SYT14: variants seen among roughly 807,000 people sequenced by gnomAD.
SYT14 encodes the protein synaptotagmin 14, also known as synaptotagmin-14.
A neutral mutation model predicts 74.2 loss-of-function variants in SYT14; 32 were observed. The observed-to-expected ratio is 0.43, with a 90% CI of 0.33 to 0.58. The LOEUF is 0.58. Among genes scored for constraint, SYT14 ranks in the 20% least tolerant of loss-of-function variants. The pLI, the probability that SYT14 is intolerant of heterozygous loss-of-function variation, is 0.05. For synonymous variants in SYT14, 298 were observed against 337.7 expected (o/e 0.88, Z 1.29); for missense variants, 791 against 981.8 (o/e 0.81, Z 2.60).
intron 7 of SYT14, among the ~76,000 whole-genome samples, chr1:210,145,506 A>G (rs2102683823): frequency 6.6e-6 from 1 of 152,286 alleles, no homozygotes; most frequent in African/African-American, 2.4e-5. Context: ...CACTGTACTA[A>G]TTTGAGGACA....
At chr1:209,991,357 G>A (rs1374562348) in intron 2 of SYT14, among the ~76,000 whole-genome samples, 2 of 152,094 alleles carry the variant, frequency 1.3e-5, no homozygotes, top group Non-Finnish European at 2.9e-5. Flanking sequence ...TGCAGAATGG[G>A]GGAAAATACT....
Position 209,952,568 on chromosome 1 carries a change from C to T in SYT14, c.-533-141C>T, listed in dbSNP as rs1216052818. The T allele has an allele frequency of 6.0e-6, 4 of 661,804 alleles. No homozygotes were observed. In the East Asian group the frequency reaches 8.1e-5, roughly 13 times the overall value. The allele number at this position is 661,804 out of a possible 1,614,324, so 41.0% of individuals were successfully genotyped here. On this transcript the variant is annotated intron_variant, in intron 1 of 9. Coordinates refer to ENST00000637265, the Ensembl canonical transcript of SYT14. ...AATTCTGATATTAGGCTATAATATT[C>T]ATTTAGTTAAGTATAAAGAGAAGAG...
intron 5 of SYT14, among the ~76,000 whole-genome samples, chr1:210,074,068 C>T (rs1454353119): frequency 6.6e-6 from 1 of 152,034 alleles, no homozygotes; most frequent in African/African-American, 2.4e-5. Flanking sequence ...GTTCCATGGC[C>T]TTTTCTCAAG....
intron 5 of SYT14, among the ~76,000 whole-genome samples, chr1:210,074,207 A>G (rs890740361): frequency 6.6e-6 from 1 of 152,336 alleles, no homozygotes; most frequent in South Asian, 2.1e-4. Context: ...ATTTACCGAC[A>G]CTATGAAGCA....
At chr1:210,159,566 T>C in intron 9 of SYT14, 89 bp downstream of exon 8, 1 of 1,172,848 alleles carries the variant, frequency 8.5e-7, no homozygotes. Context: ...CTGTCCACCA[T>C]GTTGGTTTCC....
At chr1:210,030,584 C>A (rs1217690649) in intron 5 of SYT14, among the ~76,000 whole-genome samples, 1 of 152,088 alleles carries the variant, frequency 6.6e-6, no homozygotes, top group Admixed American at 6.6e-5. Flanking sequence ...ATTTCTTTTT[C>A]TTGCCTAATT....
In SYT14 at chr1:210,151,000, A is replaced by G. The variant is rs376022641; in HGVS notation, c.2035-4721A>G. On this transcript the variant is annotated intron_variant, in intron 7 of 9. Coordinates refer to ENST00000637265, the Ensembl canonical transcript of SYT14. ...CACTAATTCTGGTTATGGTAAACAT[A>G]TAGAGTATATTCATTCCTCTAAAAA... 7.9e-5 allele frequency among the ~76,000 whole-genome samples: 12 copies of G among 152,350 alleles called. No homozygotes were observed. The East Asian group carries it at 1.2e-3, about 15-fold the overall frequency.
At chr1:209,948,938 A>G (rs1000733809) in intron 1 of SYT14, among the ~76,000 whole-genome samples, 16 of 152,170 alleles carry the variant, frequency 1.1e-4, no homozygotes, top group African/African-American at 3.6e-4. Flanking sequence ...CTTCCCAAAG[A>G]TACTGGCTAA....
At chr1:210,079,286 A>G (rs1345091887) in intron 5 of SYT14, among the ~76,000 whole-genome samples, 2 of 152,116 alleles carry the variant, frequency 1.3e-5, no homozygotes, top group Non-Finnish European at 2.9e-5. Flanking sequence ...GATGGGTTCA[A>G]TAGAAGCCCA....
At chr1:210,086,272 A>C (rs1000052459) in intron 5 of SYT14, among the ~76,000 whole-genome samples, 2 of 152,180 alleles carry the variant, frequency 1.3e-5, no homozygotes, top group Admixed American at 1.3e-4. Context: ...CTGTAAAGGT[A>C]CCCTTCGTAA....
chr1:210,161,765 T>C (rs2083377245), exon 10 of SYT14: 1 of 453,818 alleles, frequency 2.2e-6, no homozygotes, highest in African/African-American at 2.0e-5. Flanking sequence ...CCCTTGCAAG[T>C]CTTCTAGACA....
At chr1:210,167,962 C>T (rs149911868) in exon 10 of SYT14, 4 of 152,336 alleles carry the variant, frequency 2.6e-5, no homozygotes, top group African/African-American at 9.6e-5. Flanking sequence ...CTCTTAATCA[C>T]CTGTACTGGA....
intron 7 of SYT14, among the ~76,000 whole-genome samples, chr1:210,102,696 T>C (rs2082089265): frequency 6.6e-6 from 1 of 152,076 alleles, no homozygotes; most frequent in Non-Finnish European, 1.5e-5. Flanking sequence ...AGAGTCAGGG[T>C]CTCACTCTGG....
chr1:210,126,015 C>T (rs1163213272), intron 7 of SYT14, among the ~76,000 whole-genome samples: 4 of 151,974 alleles, frequency 2.6e-5, no homozygotes, highest in Non-Finnish European at 5.9e-5. Flanking sequence ...TCATCCTGGC[C>T]AACATGGTGA....
At chr1:210,099,671 A>G (rs1017618056) in intron 6 of SYT14, among the ~76,000 whole-genome samples, 1 of 152,208 alleles carries the variant, frequency 6.6e-6, no homozygotes, top group African/African-American at 2.4e-5. Flanking sequence ...TGAAAGTAAA[A>G]TGTAGTAGTT....
At chr1:210,117,451 A>G (rs2082382633) in intron 7 of SYT14, among the ~76,000 whole-genome samples, 1 of 152,164 alleles carries the variant, frequency 6.6e-6, no homozygotes, top group Admixed American at 6.5e-5. Flanking sequence ...TTCTTTGTAA[A>G]ACAATTTGTA....
At chr1:209,966,546 G>A (rs1023722315) in intron 2 of SYT14, among the ~76,000 whole-genome samples, 22 of 151,964 alleles carry the variant, frequency 1.4e-4, no homozygotes, top group African/African-American at 5.3e-4. Context: ...CAGTGTATAA[G>A]TCTTAAACAT....
intron 1 of SYT14, among the ~76,000 whole-genome samples, chr1:209,944,774 G>GA (rs1225894195): frequency 6.6e-6 from 1 of 150,606 alleles, no homozygotes; most frequent in South Asian, 2.1e-4. Context: ...CTTTTTTAAA[G>GA]AAAAAATTCA....
chr1:210,115,160 G>A (rs2082334450), intron 7 of SYT14, among the ~76,000 whole-genome samples: 1 of 151,432 alleles, frequency 6.6e-6, no homozygotes, highest in Non-Finnish European at 1.5e-5. Flanking sequence ...CCATTGTCGA[G>A]TTTGTATTGG....
Sources: gnomAD v4.1 joint callset for allele counts (sites outside exome capture counted in the v4.1 genomes callset) on GRCh38, gnomAD v4.1.1 for gene constraint, MANE v1.5 for transcripts, NCBI Gene and HGNC (gene_info 2026-07-23, HGNC 2026-07-21) for gene names.